Variants in FRMD6 observed in about 807,000 individuals in gnomAD.
FRMD6 encodes the protein FERM domain-containing protein 6.
A neutral mutation model predicts 73.2 loss-of-function variants in FRMD6; 37 were observed. The observed-to-expected ratio is 0.51, with a 90% CI of 0.39 to 0.66. The LOEUF (loss-of-function observed/expected upper bound fraction) is 0.66. FRMD6 is among the 30% of genes least tolerant of loss of function. The pLI is 0.00. For missense variants in FRMD6, 714 were observed against 780.5 expected, an observed-to-expected ratio of 0.91 and a Z score of 1.02; for synonymous variants, 273 against 282.2, an observed-to-expected ratio of 0.97 and a Z score of 0.33.
chr14:51,702,487 T>A, intron 4 of FRMD6, 25 bp from the exon 5 acceptor site: 1 of 1,600,288 alleles, frequency 6.2e-7, no homozygotes, highest in East Asian at 2.2e-5. Context: ...AATAGCTTGA[T>A]TTTTGTGTGT....
At chr14:51,484,406 C>G (rs1042546564), upstream of FRMD6, among the ~76,000 whole-genome samples, 4 of 152,164 alleles carry the variant, frequency 2.6e-5, no homozygotes, top group African/African-American at 9.7e-5. Flanking sequence ...AATAGCCACT[C>G]AACAGTCACC....
chr14:51,601,934 G>A (rs763454303), intron 2 of FRMD6, among the ~76,000 whole-genome samples: 2 of 152,064 alleles, frequency 1.3e-5, no homozygotes, highest in Non-Finnish European at 2.9e-5. Flanking sequence ...TGATTAGATT[G>A]TAAGCACCAG....
At chr14:51,404,179 A>G in the FRMD6 span, among the ~76,000 whole-genome samples, 1 of 152,160 alleles carries the variant, frequency 6.6e-6, no homozygotes, top group African/African-American at 2.4e-5. Flanking sequence ...CACTAATAAA[A>G]TTGATCTTTT....
At chr14:51,568,924 C>T (rs1887936009) in intron 1 of FRMD6, among the ~76,000 whole-genome samples, 1 of 150,382 alleles carries the variant, frequency 6.6e-6, no homozygotes, top group Non-Finnish European at 1.5e-5. Flanking sequence ...CGGCTCACTG[C>T]AACTTCTGCC....
the FRMD6 span, among the ~76,000 whole-genome samples, chr14:51,468,708 T>C: frequency 6.6e-6 from 1 of 152,364 alleles, no homozygotes; most frequent in Admixed American, 6.5e-5. Context: ...AGCATGATGT[T>C]AGCTGTAGAT....
the FRMD6 span, among the ~76,000 whole-genome samples, chr14:51,460,257 C>A: frequency 1.9e-4 from 29 of 152,114 alleles, no homozygotes; most frequent in Non-Finnish European, 3.5e-4. Flanking sequence ...CACACATGAA[C>A]CACGAGAGGG....
At chr14:51,413,408 C>A in the FRMD6 span, among the ~76,000 whole-genome samples, 1 of 152,084 alleles carries the variant, frequency 6.6e-6, no homozygotes, top group South Asian at 2.1e-4. Context: ...GAACATGCAG[C>A]GTTTGGTTTT....
At position 51,728,039 on chromosome 14, in the gene FRMD6, G is replaced by A. The variant is rs1176329719; in HGVS notation, c.*10G>A. On this transcript the variant is annotated 3_prime_UTR_variant, in exon 14 of 14. Transcript: ENST00000344768. ...AGAGTTTGTTGTGTAAAGTCCGTCT[G>A]TGTGCAGCTGTACAGGCAGCTTACT... is the stretch of plus-strand genomic sequence containing the variant. 1.9e-6 allele frequency: 3 copies of A among 1,598,956 alleles called. No individual in the cohort carries two copies. The highest frequency in any genetic ancestry group is 1.3e-5 in the African/African-American group (1 of 74,666).
intron 2 of FRMD6, among the ~76,000 whole-genome samples, chr14:51,605,983 C>T (rs911514435): frequency 1.3e-5 from 2 of 152,154 alleles, no homozygotes; most frequent in African/African-American, 4.8e-5. Flanking sequence ...AAATTGGTGT[C>T]TTAATTGAAA....
At chr14:51,619,505 G>A (rs1482106639) in intron 2 of FRMD6, among the ~76,000 whole-genome samples, 1 of 152,096 alleles carries the variant, frequency 6.6e-6, no homozygotes, top group East Asian at 1.9e-4. Context: ...TGACCAAGAA[G>A]ATTTCTTCCC....
At chr14:51,554,428 G>A (rs1296533882) in intron 1 of FRMD6, among the ~76,000 whole-genome samples, 1 of 152,130 alleles carries the variant, frequency 6.6e-6, no homozygotes, top group Non-Finnish European at 1.5e-5. Context: ...TATAGTCTGG[G>A]AAGAAGCAAA....
intron 1 of FRMD6, among the ~76,000 whole-genome samples, chr14:51,514,677 G>A (rs901482409): frequency 6.6e-6 from 1 of 152,034 alleles, no homozygotes; most frequent in Non-Finnish European, 1.5e-5. Flanking sequence ...ATGAAACCCT[G>A]TCTCTACTAA....
chr14:51,509,549 A>G (rs1301014340), intron 1 of FRMD6, among the ~76,000 whole-genome samples: 1 of 151,994 alleles, frequency 6.6e-6, no homozygotes, highest in Non-Finnish European at 1.5e-5. Context: ...AAAACAAAAC[A>G]AAACAAAACA....
At chr14:51,503,008 G>T (rs999478252) in intron 1 of FRMD6, among the ~76,000 whole-genome samples, 1 of 151,950 alleles carries the variant, frequency 6.6e-6, no homozygotes, top group South Asian at 2.1e-4. Context: ...ACCTATTATT[G>T]GTATATAGGA....
At chr14:51,489,976 C>T (rs139394399) in intron 1 of FRMD6, among the ~76,000 whole-genome samples, 279 of 152,306 alleles carry the variant, frequency 1.8e-3, no homozygotes, top group African/African-American at 6.4e-3. Context: ...CAGTTACATG[C>T]TTACCCTCTG....
At chr14:51,415,879 T>C in the FRMD6 span, among the ~76,000 whole-genome samples, 1 of 152,246 alleles carries the variant, frequency 6.6e-6, no homozygotes, top group Admixed American at 6.5e-5. Flanking sequence ...GGTTTAGTCT[T>C]GGGAGAGTGT....
chr14:51,436,301 C>A, the FRMD6 span: 1 of 381,212 alleles, frequency 2.6e-6, no homozygotes, highest in East Asian at 6.4e-5. Flanking sequence ...AATTGATTGC[C>A]AAAATCCCAG....
intron 11 of FRMD6, among the ~76,000 whole-genome samples, chr14:51,721,624 A>G (rs904444360): frequency 1.2e-4 from 13 of 113,016 alleles, no homozygotes; most frequent in African/African-American, 3.6e-4. Flanking sequence ...AAATTGAGAA[A>G]GAAAGAGAGG....
At chr14:51,553,229 T>A (rs1441635630) in intron 1 of FRMD6, among the ~76,000 whole-genome samples, 1 of 152,210 alleles carries the variant, frequency 6.6e-6, no homozygotes, top group African/African-American at 2.4e-5. Context: ...CCCAGCCAAG[T>A]GATGGGAAAT....
Sources: allele counts gnomAD v4.1 joint callset (sites outside exome capture counted in the v4.1 genomes callset), GRCh38; gene constraint gnomAD v4.1.1; transcripts MANE v1.5; gene names NCBI Gene and HGNC (gene_info 2026-07-23, HGNC 2026-07-21).